TBCD: variants seen among roughly 807,000 people sequenced by gnomAD.
TBCD encodes the protein tubulin-specific chaperone D.
In TBCD, 105 loss-of-function variants were observed where a neutral mutation model predicts 169.3. The observed-to-expected ratio is 0.62, with a 90% confidence interval of 0.53 to 0.73. The LOEUF is 0.73. Among genes scored for constraint, TBCD ranks in the 30% least tolerant of loss-of-function variants. TBCD has a pLI of 0.00. For synonymous variants in TBCD, 700 were observed against 643.9 expected, an observed-to-expected ratio of 1.09 and a Z score of -1.32; for missense variants, 1,444 against 1,600.1, an observed-to-expected ratio of 0.90 and a Z score of 1.66.
chr17:82,886,356 A>G (rs531575912), intron 15 of TBCD: 1 of 151,534 alleles, frequency 6.6e-6, no homozygotes, highest in East Asian at 2.0e-4. Flanking sequence ...TATTGGAAGG[A>G]ATCTAGCAGA....
chr17:82,762,647 G>A (rs1363980373), intron 2 of TBCD, among the ~76,000 whole-genome samples: 1 of 152,034 alleles, frequency 6.6e-6, no homozygotes, highest in Non-Finnish European at 1.5e-5. Context: ...TACTCAGGAG[G>A]CTGAGGCACG....
chr17:82,869,752 C>T (rs1006762906), intron 13 of TBCD, among the ~76,000 whole-genome samples: 1 of 152,162 alleles, frequency 6.6e-6, no homozygotes, highest in African/African-American at 2.4e-5. Context: ...AGCCAGGCAT[C>T]CCCTGGGACG....
At chr17:82,872,953 TCGTGGCCGACGGCTTCTGAGCCAGGCCC>T (rs1567932451) in intron 14 of TBCD, among the ~76,000 whole-genome samples, 6 of 143,218 alleles carry the variant, frequency 4.2e-5, no homozygotes, top group South Asian at 4.3e-4. Context: ...GCCCGGCACC[TCGTGGCCGACGGCTTCTGAGCCAGGCCC>T]GGCACCTCGT....
intron 17 of TBCD, among the ~76,000 whole-genome samples, chr17:82,898,760 G>C (rs2059666925): frequency 6.6e-6 from 1 of 152,154 alleles, no homozygotes; most frequent in Admixed American, 6.5e-5. Context: ...TAATTAGAAA[G>C]GCATATCCTA....
At chr17:82,792,176 C>T (rs967484922) in intron 7 of TBCD, among the ~76,000 whole-genome samples, 1 of 151,964 alleles carries the variant, frequency 6.6e-6, no homozygotes, top group Non-Finnish European at 1.5e-5. Flanking sequence ...GGCGTGGTGG[C>T]GGGCGCCTGT....
At chr17:82,909,399 C>T (rs1053181234) in intron 22 of TBCD, 92 bp downstream of exon 22, 23 of 1,101,682 alleles carry the variant, frequency 2.1e-5, no homozygotes, top group Non-Finnish European at 2.5e-5. Flanking sequence ...TCGCTTCCCT[C>T]TCTGCCTATG....
intron 15 of TBCD, chr17:82,885,978 G>A (rs1397789111): frequency 1.3e-5 from 2 of 152,228 alleles, no homozygotes; most frequent in Non-Finnish European, 2.9e-5. Context: ...CGGTCTTTCT[G>A]GCTCAGCTTG....
chr17:82,900,642 C>T lies in TBCD; in HGVS notation c.1650-9C>T. ...GCGTCTCACCACCTCTCCATGCTGT[C>T]TTTTCCAGTGTGTTTATTGCCGGCT... On this transcript the variant is annotated splice_polypyrimidine_tract_variant and intron_variant, in intron 17 of 38. Coordinates refer to ENST00000355528, the MANE Select transcript of TBCD (RefSeq NM_005993.5). 1 of 1,613,344 alleles carries T rather than the reference C, an allele frequency of 6.2e-7. No individual in the cohort carries two copies. The highest frequency in any genetic ancestry group is 1.3e-5 in the African/African-American group (1 of 75,048).
chr17:82,939,330 G>A lies in TBCD; in HGVS notation c.3370-37G>A, dbSNP rs374387798. 22 of 1,550,638 alleles carry A rather than the reference G, an allele frequency of 1.4e-5. No homozygotes were observed. The South Asian group carries it at 1.5e-4, about 11-fold the overall frequency. ...CGTCTCTCCGGGGTGGGGCGGTGGC[G>A]CTTCCCTCCGGCAAATGCACTGCAT... On this transcript the variant is annotated intron_variant, in intron 36 of 38. Transcript: ENST00000355528.
At position 82,941,311 on chromosome 17, in the gene TBCD, G is replaced by A. The variant is rs531837240; in HGVS notation, c.3480-88G>A. 72 of 1,154,308 alleles carry A rather than the reference G, an allele frequency of 6.2e-5. No homozygotes were observed. In the South Asian group the frequency reaches 8.2e-4, roughly 13 times the overall value. The allele number at this position is 1,154,308 out of a possible 1,614,324, so 71.5% of individuals were successfully genotyped here. A position where few individuals can be genotyped will look rare whatever the true frequency, so the allele number is the denominator to read the frequency against. On this transcript the variant is annotated intron_variant, in intron 37 of 38. Transcript: ENST00000355528. ...GGTGAGGTCTCCTTTCCCTGACTGC[G>A]GCCATGGAAGCTTGACGCGGGACCT...
chr17:82,752,570 T>A (rs569940952), intron 1 of TBCD, among the ~76,000 whole-genome samples, 193 bp downstream of exon 1: 48 of 152,080 alleles, frequency 3.2e-4, no homozygotes, highest in African/African-American at 1.0e-3. Context: ...CGGCGTTAGG[T>A]GCACGGGGCA....
At chr17:82,790,591 C>T (rs2049643211) in intron 7 of TBCD, among the ~76,000 whole-genome samples, 1 of 152,206 alleles carries the variant, frequency 6.6e-6, no homozygotes, top group African/African-American at 2.4e-5. Context: ...TTGTTTCTGC[C>T]CTGGCAGAGC....
At position 82,889,831 on chromosome 17, in the gene TBCD, G is replaced by GT. The variant is rs2059005496; in HGVS notation, c.1563+136dup. On this transcript the variant is annotated intron_variant, in intron 16 of 38. Coordinates refer to ENST00000355528, the MANE Select transcript of TBCD (RefSeq NM_005993.5). This position sits in a 1 kb window ranked among gnomAD's most constrained non-coding sequence, Gnocchi z 5.3. Reference sequence around the variant, plus strand: ...GGCTACATCAATGCCAGGGTCATGAGTTCACTATAGGACGCACATGTTAAA... The same window carrying GT: ...GGCTACATCAATGCCAGGGTCATGAGTTTCACTATAGGACGCACATGTTAAA... 3.0e-6 allele frequency: 3 copies of GT among 998,198 alleles called. No homozygotes were observed. The highest frequency in any genetic ancestry group is 3.3e-5 in the African/African-American group (2 of 61,506). 61.8% of individuals were successfully genotyped at this position (998,198 alleles called of 1,614,324 possible).
intron 13 of TBCD, among the ~76,000 whole-genome samples, chr17:82,825,162 G>T (rs77913663): frequency 0.013 from 1,990 of 152,304 alleles, 56 homozygotes; most frequent in African/African-American, 0.045. Context: ...CTGCCCTGTT[G>T]CAGGAGGATG....
chr17:82,891,507 A>C lies in TBCD; in HGVS notation c.1563+1810A>C, dbSNP rs745524465. On this transcript the variant is annotated intron_variant, in intron 16 of 38. Coordinates refer to ENST00000355528, the MANE Select transcript of TBCD (RefSeq NM_005993.5). ...GACGCGCAGGTGCGGAGCGTCTCCC[A>C]GCCCCGCACGGCCATGTCCTGCTGA... Among the ~76,000 whole-genome samples, 3 of 152,244 alleles carry C rather than the reference A, an allele frequency of 2.0e-5. No homozygotes were observed. In the East Asian group the frequency reaches 5.8e-4, roughly 29 times the overall value.
intron 17 of TBCD, among the ~76,000 whole-genome samples, chr17:82,899,214 C>T (rs2059709138): frequency 7.0e-6 from 1 of 142,610 alleles, no homozygotes; most frequent in Non-Finnish European, 1.6e-5. Context: ...GCAGTGCGTC[C>T]TCAGCATGTG....
chr17:82,839,251 TG>T (rs1213483261), intron 13 of TBCD, among the ~76,000 whole-genome samples: 1 of 152,226 alleles, frequency 6.6e-6, no homozygotes, highest in African/African-American at 2.4e-5. Context: ...GTGTCTAATG[TG>T]TATACACCAC....
intron 6 of TBCD, among the ~76,000 whole-genome samples, chr17:82,777,099 GTTT>G (rs922367755): frequency 4.0e-5 from 6 of 151,816 alleles, no homozygotes; most frequent in Non-Finnish European, 8.8e-5. Flanking sequence ...ATGTCAAACC[GTTT>G]TTTTCTCCTT....
intron 13 of TBCD, among the ~76,000 whole-genome samples, chr17:82,822,499 T>A (rs2052497027): frequency 1.3e-5 from 2 of 152,120 alleles, no homozygotes; most frequent in South Asian, 4.1e-4. Context: ...TCGCACGAGC[T>A]GGGACAGCGG....
Sources: gnomAD v4.1 joint callset for allele counts (sites outside exome capture counted in the v4.1 genomes callset) on GRCh38, gnomAD v4.1.1 for gene constraint, Gnocchi (gnomAD v3.1) non-coding constraint, MANE v1.5 for transcripts, NCBI Gene and HGNC (gene_info 2026-07-23, HGNC 2026-07-21) for gene names.